Variants in MACROD2 observed in about 807,000 individuals in gnomAD.
The protein encoded by MACROD2 is ADP-ribose glycohydrolase MACROD2.
A neutral mutation model predicts 70.4 loss-of-function variants in MACROD2; 36 were observed. The observed-to-expected ratio is 0.51, with a 90% CI of 0.39 to 0.68. The LOEUF is 0.68. Among genes scored for constraint, MACROD2 ranks in the 30% least tolerant of loss-of-function variants. MACROD2 has a pLI of 0.00. For synonymous variants in MACROD2, 172 were observed against 178.8 expected, an observed-to-expected ratio of 0.96 and a Z score of 0.30; for missense variants, 496 against 538.4, an observed-to-expected ratio of 0.92 and a Z score of 0.78.
At chr20:15,197,080 T>G (rs1169656950) in intron 5 of MACROD2, 2 of 958,688 alleles carry the variant, frequency 2.1e-6, no homozygotes, top group East Asian at 1.2e-4. Flanking sequence ...GTCCTCTTCA[T>G]GTCTGGTTTG....
At chr20:14,052,165 T>C (rs2053575843) in intron 2 of MACROD2, 1 of 295,828 alleles carries the variant, frequency 3.4e-6, no homozygotes, top group African/African-American at 2.3e-5. Context: ...CCAAGGGTGG[T>C]AGAGAAATTA....
rs2052682439 is a variant in MACROD2 at position 13,997,739 on chromosome 20, T to G, written c.46+1930T>G. Among the ~76,000 whole-genome samples the G allele has an allele frequency of 3.3e-5, 5 of 152,184 alleles. No individual in the cohort carries two copies. The South Asian group carries it at 1.0e-3, about 32-fold the overall frequency. ...CAAGTAATTATCCAAAACTAAGTTATTTTTGCATGAAGTTTAATGTTAAAG... is the reference window on the plus strand; with the variant it reads ...CAAGTAATTATCCAAAACTAAGTTAGTTTTGCATGAAGTTTAATGTTAAAG... On this transcript the variant is annotated intron_variant, in intron 1 of 17. Transcript: ENST00000684519.
At chr20:15,931,222 A>C (rs2065571319) in intron 10 of MACROD2, among the ~76,000 whole-genome samples, 1 of 152,214 alleles carries the variant, frequency 6.6e-6, no homozygotes, top group African/African-American at 2.4e-5. Flanking sequence ...CCCTAGAGCA[A>C]AGGCCAATGC....
chr20:15,345,677 AACTTT>A (rs773378974), intron 6 of MACROD2, among the ~76,000 whole-genome samples: 3 of 152,222 alleles, frequency 2.0e-5, no homozygotes, highest in African/African-American at 4.8e-5. Context: ...TTACATTTTA[AACTTT>A]ACTTAACTTT....
chr20:14,275,023 C>T (rs1019726086), intron 3 of MACROD2, among the ~76,000 whole-genome samples: 4 of 152,144 alleles, frequency 2.6e-5, no homozygotes, highest in African/African-American at 9.7e-5. Context: ...GAAGAACATT[C>T]CATGCTCATG....
chr20:15,890,501 C>T (rs2147218451), intron 10 of MACROD2, among the ~76,000 whole-genome samples: 1 of 152,298 alleles, frequency 6.6e-6, no homozygotes, highest in East Asian at 1.9e-4. Flanking sequence ...CGGTGAGCTG[C>T]TCCAAGCATC....
intron 12 of MACROD2, among the ~76,000 whole-genome samples, chr20:15,952,347 G>A (rs1047074333): frequency 1.3e-5 from 2 of 151,992 alleles, no homozygotes; most frequent in Non-Finnish European, 2.9e-5. Context: ...CAGGCACTGG[G>A]TTTCCCTGAA....
intron 2 of MACROD2, among the ~76,000 whole-genome samples, chr20:14,005,758 G>A (rs186797201): frequency 6.4e-4 from 97 of 152,126 alleles, no homozygotes; most frequent in African/African-American, 2.1e-3. Context: ...GTGCCACCAC[G>A]CCTGACTAAT....
rs760342018 is a variant in MACROD2 at position 16,044,230 on chromosome 20, A to G, written c.1232-341A>G. On this transcript the variant is annotated intron_variant, in intron 16 of 17. Coordinates refer to ENST00000684519, the MANE Select transcript of MACROD2 (RefSeq NM_001351661.2). ...GAAGCAACGTGTCACACACTTTTAA[A>G]CAACCAGATCTCATATGAGCTCACT... is the stretch of plus-strand genomic sequence containing the variant. Among the ~76,000 whole-genome samples the G allele has an allele frequency of 1.1e-4, 17 of 152,198 alleles. No individual in the cohort carries two copies. The Middle Eastern group carries it at 0.01, about 91-fold the overall frequency.
At chr20:15,868,314 T>C (rs1053805903) in intron 9 of MACROD2, among the ~76,000 whole-genome samples, 5 of 152,184 alleles carry the variant, frequency 3.3e-5, no homozygotes, top group African/African-American at 1.2e-4. Flanking sequence ...CTGTTCACTC[T>C]GTACCCACAG....
chr20:14,552,246 T>C (rs761394893), intron 4 of MACROD2, among the ~76,000 whole-genome samples: 9 of 145,390 alleles, frequency 6.2e-5, no homozygotes, highest in Non-Finnish European at 1.2e-4. Context: ...TAAATGACCC[T>C]TTGAGTTATC....
chr20:15,424,776 G>A (rs931548056), intron 6 of MACROD2, among the ~76,000 whole-genome samples: 11 of 152,260 alleles, frequency 7.2e-5, no homozygotes, highest in African/African-American at 2.6e-4. Flanking sequence ...TTTCTAAGAT[G>A]CACATGTTCT....
At chr20:15,705,536 C>T (rs1000637012) in intron 8 of MACROD2, among the ~76,000 whole-genome samples, 7 of 152,092 alleles carry the variant, frequency 4.6e-5, no homozygotes, top group Non-Finnish European at 7.4e-5. Context: ...TCTCCTGCCT[C>T]GGCCTCCCCA....
At chr20:15,501,528 C>A (rs570137670) in intron 8 of MACROD2, among the ~76,000 whole-genome samples, 2 of 152,292 alleles carry the variant, frequency 1.3e-5, no homozygotes, top group Non-Finnish European at 2.9e-5. Context: ...ATTTTCTAAT[C>A]TAGTGTTTTC....
rs186734352 is a variant in MACROD2, at chr20:15,730,048, G to A, written c.646-132697G>A. Among the ~76,000 whole-genome samples the A allele has an allele frequency of 2.3e-3, 354 of 152,020 alleles. 3 individuals are homozygous for A. Among genetic ancestry groups the A allele is most frequent in the African/African-American group, 8.2e-3 (340 of 41,460 alleles). On this transcript the variant is annotated intron_variant, in intron 8 of 17. Coordinates refer to ENST00000684519, the MANE Select transcript of MACROD2 (RefSeq NM_001351661.2). The stretch of plus-strand genomic sequence containing the variant: ...TCACCATGTTGGCCAGGCTGGTCTT[G>A]AACTCCTGACCTCAGGTGATCCACC...
chr20:14,269,990 A>G (rs1251672222), intron 3 of MACROD2, among the ~76,000 whole-genome samples: 1 of 152,148 alleles, frequency 6.6e-6, no homozygotes, highest in Non-Finnish European at 1.5e-5. Flanking sequence ...CTACTCCAAG[A>G]AATCTGCATT....
intron 5 of MACROD2, among the ~76,000 whole-genome samples, chr20:14,692,800 A>C (rs2071079194): frequency 1.3e-5 from 2 of 152,220 alleles, no homozygotes; most frequent in Non-Finnish European, 2.9e-5. Flanking sequence ...TCCACATGCC[A>C]CATGTCTGTT....
In MACROD2 at chr20:15,697,342, T is replaced by C. The variant is rs189553265; in HGVS notation, c.646-165403T>C. ...CTCATTTAGGAGCAGGTTATTTAAT[T>C]TCCATGTATTTGCATGGTTTTGAAG... On this transcript the variant is annotated intron_variant, in intron 8 of 17. Transcript: ENST00000684519. 3.2e-3 allele frequency among the ~76,000 whole-genome samples: 489 copies of C among 152,316 alleles called. 6 individuals are homozygous for C. The highest frequency in any genetic ancestry group is 0.011 in the African/African-American group (467 of 41,568).
At chr20:16,003,128 T>C (rs990450613) in intron 15 of MACROD2, among the ~76,000 whole-genome samples, 6 of 137,016 alleles carry the variant, frequency 4.4e-5, no homozygotes, top group African/African-American at 1.4e-4. Context: ...ACACAAACAA[T>C]CTCTACCCTC....
Sources: gnomAD v4.1 joint callset for allele counts (sites outside exome capture counted in the v4.1 genomes callset) on GRCh38, gnomAD v4.1.1 for gene constraint, MANE v1.5 for transcripts, NCBI Gene and HGNC (gene_info 2026-07-23, HGNC 2026-07-21) for gene names.